The following PDE1A variants were observed in gnomAD, a reference collection of about 807,000 sequenced individuals.
PDE1A encodes dual specificity calcium/calmodulin-dependent 3',5'-cyclic nucleotide phosphodiesterase 1A.
In PDE1A, 35 loss-of-function variants were observed where a neutral mutation model predicts 61.7. The observed-to-expected ratio is 0.57, with a 90% confidence interval of 0.43 to 0.75. The LOEUF (loss-of-function observed/expected upper bound fraction) is 0.75. PDE1A is among the 30% of genes least tolerant of loss of function. The probability of loss-of-function intolerance (pLI) is 0.00; values close to 1 mark genes in which losing one functional copy is unlikely to be tolerated. For missense variants in PDE1A, 597 were observed against 630.6 expected (o/e 0.95, Z 0.57); for synonymous variants, 232 against 213.2 (o/e 1.09, Z -0.77).
At chr2:182,201,835 T>C in intron 8 of PDE1A, 46 bp from the exon 9 acceptor site, 2 of 1,210,650 alleles carry the variant, frequency 1.7e-6, no homozygotes, top group Non-Finnish European at 2.4e-6. Context: ...CCATTTATTG[T>C]TCTGAAGTGG....
intron 2 of PDE1A, among the ~76,000 whole-genome samples, chr2:182,260,376 C>T (rs1170663760): frequency 6.6e-6 from 1 of 152,150 alleles, no homozygotes; most frequent in African/African-American, 2.4e-5. Context: ...TACATAATCT[C>T]TGTTTTACTG....
intron 2 of PDE1A, among the ~76,000 whole-genome samples, chr2:182,512,789 C>T (rs544084706): frequency 1.3e-5 from 2 of 152,260 alleles, no homozygotes; most frequent in East Asian, 3.9e-4. Context: ...AAACTCACTA[C>T]AAGAATATCA....
intron 3 of PDE1A, among the ~76,000 whole-genome samples, chr2:182,238,668 T>G (rs1690259192): frequency 6.6e-6 from 1 of 152,284 alleles, no homozygotes; most frequent in South Asian, 2.1e-4. Flanking sequence ...AACAGTGATT[T>G]AAAAAAGACT....
chr2:182,266,937 A>G (rs1013449591), intron 1 of PDE1A, among the ~76,000 whole-genome samples: 3 of 152,208 alleles, frequency 2.0e-5, no homozygotes, highest in African/African-American at 7.2e-5. Flanking sequence ...ATGCAAGAAC[A>G]ACAAAAATTG....
chr2:182,150,265 ACT>A (rs1690707181), intron 13 of PDE1A, among the ~76,000 whole-genome samples: 2 of 152,268 alleles, frequency 1.3e-5, no homozygotes, highest in African/African-American at 4.8e-5. Flanking sequence ...TCTCTATATA[ACT>A]CTGGATTAAA....
chr2:182,387,043 A>G (rs1252460438), intron 1 of PDE1A, among the ~76,000 whole-genome samples: 1 of 152,218 alleles, frequency 6.6e-6, no homozygotes. Context: ...AAAGAAGTAG[A>G]CATGGGAGAC....
chr2:182,625,465 T>C, the PDE1A span, among the ~76,000 whole-genome samples: 8 of 152,216 alleles, frequency 5.3e-5, no homozygotes, highest in South Asian at 2.1e-4. Flanking sequence ...CTCTTAACAA[T>C]TGATATTAAG....
At chr2:182,260,612 C>G (rs1559265076) in intron 2 of PDE1A, among the ~76,000 whole-genome samples, 1 of 152,128 alleles carries the variant, frequency 6.6e-6, no homozygotes, top group Non-Finnish European at 1.5e-5. Flanking sequence ...AAATGTTTAA[C>G]AACAGACTCT....
intron 1 of PDE1A, among the ~76,000 whole-genome samples, chr2:182,412,326 T>C (rs1574593133): frequency 6.6e-6 from 1 of 152,164 alleles, no homozygotes; most frequent in African/African-American, 2.4e-5. Flanking sequence ...CCCTAAACAG[T>C]AGACAGTTCT....
intron 1 of PDE1A, among the ~76,000 whole-genome samples, chr2:182,276,707 T>C (rs58517019): frequency 0.11 from 16,051 of 152,070 alleles, 1,194 homozygotes; most frequent in East Asian, 0.32. Flanking sequence ...TACAGCCATA[T>C]TTTTCTTCTT....
At chr2:182,191,792 T>C (rs16823678) in intron 10 of PDE1A, among the ~76,000 whole-genome samples, 4,823 of 151,894 alleles carry the variant, frequency 0.032, 254 homozygotes, top group African/African-American at 0.11. Flanking sequence ...TACAAGCTCT[T>C]TGGCCCCAAA....
rs1329398406 is a variant in PDE1A at position 182,168,044 on chromosome 2, T to C, written c.*203A>G. On this transcript the variant is annotated 3_prime_UTR_variant, in exon 14 of 14. Transcript: ENST00000351439. ...TGCTGATGTAGCCACTAGATGAATC[T>C]GTTCGGTAGCAGTTGAGCCCGGTGA... 2.4e-6 allele frequency: 3 copies of C among 1,259,814 alleles called. No homozygotes were observed. The African/African-American group carries it at 4.6e-5, about 19-fold the overall frequency. The allele number at this position is 1,259,814 out of a possible 1,614,324, so 78.0% of individuals were successfully genotyped here.
chr2:182,318,558 T>C (rs1236623067), intron 1 of PDE1A, among the ~76,000 whole-genome samples: 3 of 152,176 alleles, frequency 2.0e-5, no homozygotes, highest in African/African-American at 4.8e-5. Flanking sequence ...GAAAATTAAA[T>C]GCTGCAATAG....
chr2:182,417,112 C>A (rs1702967220), intron 1 of PDE1A, among the ~76,000 whole-genome samples: 1 of 152,238 alleles, frequency 6.6e-6, no homozygotes, highest in Admixed American at 6.5e-5. Flanking sequence ...CCTTCGCATG[C>A]AGATGCTCAG....
intron 1 of PDE1A, among the ~76,000 whole-genome samples, chr2:182,363,057 A>G (rs1198744748): frequency 6.6e-6 from 1 of 151,868 alleles, no homozygotes; most frequent in Non-Finnish European, 1.5e-5. Context: ...ACTGGGGCCT[A>G]TTGGAGGATG....
chr2:182,476,761 A>G (rs1214596503), intron 2 of PDE1A, among the ~76,000 whole-genome samples: 2 of 151,864 alleles, frequency 1.3e-5, no homozygotes, highest in Non-Finnish European at 2.9e-5. Flanking sequence ...GGGCAAGTTT[A>G]CCCTGAAAAT....
chr2:182,281,446 A>G (rs7597380), intron 1 of PDE1A, among the ~76,000 whole-genome samples: 10,924 of 152,068 alleles, frequency 0.072, 440 homozygotes, highest in Middle Eastern at 0.11. Context: ...CCAGTAAAAT[A>G]GCTAAGTAAT....
the PDE1A span, among the ~76,000 whole-genome samples, chr2:182,608,686 C>G: frequency 6.6e-6 from 1 of 152,226 alleles, no homozygotes; most frequent in Non-Finnish European, 1.5e-5. Context: ...TGAGCTTCCG[C>G]CGTGGACTCC....
At chr2:182,558,261 A>G in the PDE1A span, among the ~76,000 whole-genome samples, 32 of 152,060 alleles carry the variant, frequency 2.1e-4, no homozygotes, top group African/African-American at 7.2e-4. Context: ...AAGTACACCA[A>G]AAGAGTCTAC....
Sources: allele counts gnomAD v4.1 joint callset (sites outside exome capture counted in the v4.1 genomes callset), GRCh38; gene constraint gnomAD v4.1.1; transcripts MANE v1.5; gene names NCBI Gene and HGNC (gene_info 2026-07-23, HGNC 2026-07-21).